The following MTUS2 variants were observed in gnomAD, a reference collection of about 807,000 sequenced individuals.
The protein encoded by MTUS2 is microtubule associated scaffold protein 2, also known as microtubule-associated tumor suppressor candidate 2.
Under a neutral mutation model 114.1 loss-of-function variants are expected in MTUS2, and 40 were observed. The ratio of observed to expected loss-of-function variants is 0.35; its 90% confidence interval spans 0.27 to 0.46. The LOEUF is 0.46. Ranked by LOEUF, MTUS2 falls within the 20% of genes least tolerant of loss-of-function variation. The pLI, the probability that MTUS2 is intolerant of heterozygous loss-of-function variation, is 1.00. For missense variants in MTUS2, 1,679 were observed against 1,705.4 expected, an observed-to-expected ratio of 0.98 and a Z score of 0.27; for synonymous variants, 688 against 672.0, an observed-to-expected ratio of 1.02 and a Z score of -0.37.
At chr13:29,295,872 TTAC>T (rs1242864905) in intron 6 of MTUS2, among the ~76,000 whole-genome samples, 4 of 152,106 alleles carry the variant, frequency 2.6e-5, no homozygotes, top group Non-Finnish European at 5.9e-5. Flanking sequence ...CTCATGAGAC[TTAC>T]TATCATGAGA....
intron 7 of MTUS2, among the ~76,000 whole-genome samples, chr13:29,350,573 T>C (rs758522317): frequency 3.9e-5 from 6 of 152,074 alleles, no homozygotes; most frequent in Non-Finnish European, 7.4e-5. Context: ...TTCTTCTTAA[T>C]ACGTAATATA....
chr13:29,349,740 A>G (rs1431160089), intron 7 of MTUS2, among the ~76,000 whole-genome samples: 1 of 151,990 alleles, frequency 6.6e-6, no homozygotes, highest in African/African-American at 2.4e-5. Context: ...TGTTATTCTT[A>G]TCTTTGGGTC....
intron 2 of MTUS2, among the ~76,000 whole-genome samples, chr13:29,002,678 G>T (rs1460593066): frequency 6.6e-6 from 1 of 152,172 alleles, no homozygotes; most frequent in Admixed American, 6.5e-5. Flanking sequence ...CCCTCCATTA[G>T]ATCGTCATGC....
chr13:28,966,013 C>G (rs958042996), intron 2 of MTUS2, among the ~76,000 whole-genome samples: 1 of 152,210 alleles, frequency 6.6e-6, no homozygotes, highest in Non-Finnish European at 1.5e-5. Flanking sequence ...GCTAACTAAA[C>G]AGTGCTCAAA....
chr13:29,457,102 G>A (rs1284909609), intron 9 of MTUS2, among the ~76,000 whole-genome samples: 5 of 147,824 alleles, frequency 3.4e-5, no homozygotes, highest in Admixed American at 6.8e-5. Flanking sequence ...CCGAGATCGC[G>A]ACACTGCACT....
chr13:29,286,934 C>T (rs550065000), intron 6 of MTUS2, among the ~76,000 whole-genome samples: 39 of 152,258 alleles, frequency 2.6e-4, no homozygotes, highest in Non-Finnish European at 4.4e-4. Flanking sequence ...GTGATCTGCC[C>T]GCCTTGGCCT....
At chr13:29,406,670 A>G (rs1229425194) in intron 8 of MTUS2, among the ~76,000 whole-genome samples, 1 of 152,258 alleles carries the variant, frequency 6.6e-6, no homozygotes, top group Non-Finnish European at 1.5e-5. Context: ...CAGGTGTAAT[A>G]TCAGAAGATG....
intron 4 of MTUS2, among the ~76,000 whole-genome samples, chr13:29,070,354 G>A (rs1197561091): frequency 6.6e-6 from 1 of 152,098 alleles, no homozygotes; most frequent in Admixed American, 6.5e-5. Flanking sequence ...TTCAAAGAAA[G>A]CAAACTTGCA....
At chr13:29,212,181 T>C (rs1195081416) in intron 5 of MTUS2, among the ~76,000 whole-genome samples, 3 of 152,214 alleles carry the variant, frequency 2.0e-5, no homozygotes, top group Non-Finnish European at 4.4e-5. Context: ...ATTTCCCTTT[T>C]TGATTTCTTC....
intron 8 of MTUS2, among the ~76,000 whole-genome samples, chr13:29,433,552 C>T (rs376273639): frequency 2.0e-5 from 3 of 152,146 alleles, no homozygotes; most frequent in African/African-American, 4.8e-5. Context: ...AAGGTCAATC[C>T]ACCTCCTATG....
intron 8 of MTUS2, among the ~76,000 whole-genome samples, chr13:29,360,578 C>G (rs1398459433): frequency 3.9e-5 from 6 of 152,064 alleles, no homozygotes; most frequent in Admixed American, 3.9e-4. Flanking sequence ...TCCTCCCCAA[C>G]CAGAATTTTA....
chr13:29,113,313 G>A (rs1890955540), intron 5 of MTUS2, among the ~76,000 whole-genome samples: 1 of 152,202 alleles, frequency 6.6e-6, no homozygotes, highest in South Asian at 2.1e-4. Context: ...ACTCCATGGA[G>A]CACAGTTGAA....
At chr13:29,331,028 GT>G (rs745963915) in intron 7 of MTUS2, among the ~76,000 whole-genome samples, 117 of 152,266 alleles carry the variant, frequency 7.7e-4, no homozygotes, top group Non-Finnish European at 1.4e-3. Flanking sequence ...ACTTTGGGCA[GT>G]ATGGCCATTT....
rs7337385 is a variant in MTUS2 at position 28,857,472 on chromosome 13, G to C, written c.-243+17622G>C. ...GGTAAAGATACTGCACACGTGGAGT[G>C]GGGTATCCAGGAAGAAAGAGGGTTT... On this transcript the variant is annotated intron_variant, in intron 2 of 15. Transcript: ENST00000612955. 4.1e-3 allele frequency among the ~76,000 whole-genome samples: 618 copies of C among 152,296 alleles called. 6 individuals carry two copies. Among genetic ancestry groups the C allele is most frequent in the African/African-American group, 0.014 (588 of 41,556 alleles).
chr13:28,949,454 A>G (rs984771974), intron 2 of MTUS2, among the ~76,000 whole-genome samples: 4 of 152,228 alleles, frequency 2.6e-5, no homozygotes, highest in Admixed American at 1.3e-4. Context: ...TGTTTTGAAA[A>G]TATTTTAATT....
chr13:29,441,548 A>AGTGTGGCC (rs1555279267), intron 9 of MTUS2, among the ~76,000 whole-genome samples: 4 of 151,896 alleles, frequency 2.6e-5, no homozygotes, highest in East Asian at 2.0e-4. Flanking sequence ...TTTCTTCACC[A>AGTGTGGCC]ATGTGGCCAC....
intron 9 of MTUS2, among the ~76,000 whole-genome samples, chr13:29,452,438 T>C (rs919685061): frequency 2.6e-5 from 4 of 152,078 alleles, no homozygotes; most frequent in Non-Finnish European, 5.9e-5. Context: ...GACAGAGCCT[T>C]GCTCTGTCAC....
chr13:28,916,672 C>T (rs932273533), intron 2 of MTUS2, among the ~76,000 whole-genome samples: 6 of 151,188 alleles, frequency 4.0e-5, no homozygotes, highest in Admixed American at 2.0e-4. Flanking sequence ...ATTTTTGTGG[C>T]GTCTTTAGGT....
chr13:28,850,685 A>G (rs1337456457), intron 2 of MTUS2, among the ~76,000 whole-genome samples: 1 of 152,248 alleles, frequency 6.6e-6, no homozygotes, highest in Admixed American at 6.5e-5. Context: ...TTCTTTGTGC[A>G]GGATGTCTTA....
Sources: gnomAD v4.1 joint callset for allele counts (sites outside exome capture counted in the v4.1 genomes callset) on GRCh38, gnomAD v4.1.1 for gene constraint, MANE v1.5 for transcripts, NCBI Gene and HGNC (gene_info 2026-07-23, HGNC 2026-07-21) for gene names.